The following SH3KBP1 variants were observed in gnomAD, a reference collection of about 807,000 sequenced individuals.
SH3KBP1 encodes SH3 domain containing kinase binding protein 1, also known as SH3 domain-containing kinase-binding protein 1.
Under a neutral mutation model 50.1 loss-of-function variants are expected in SH3KBP1, and 8 were observed. The ratio of observed to expected loss-of-function variants is 0.16; its 90% CI spans 0.09 to 0.29. The LOEUF is 0.29. Ranked by LOEUF, SH3KBP1 falls within the 10% of genes least tolerant of loss-of-function variation. The probability of loss-of-function intolerance (pLI) is 1.00; values close to 1 mark genes in which losing one functional copy is unlikely to be tolerated. For missense variants in SH3KBP1, 377 were observed against 535.2 expected, an observed-to-expected ratio of 0.70 and a Z score of 2.92; for synonymous variants, 227 against 218.6, an observed-to-expected ratio of 1.04 and a Z score of -0.34.
intron 2 of SH3KBP1, among the ~76,000 whole-genome samples, chrX:19,820,316 C>A (rs1352850284): frequency 1.8e-5 from 2 of 111,757 alleles, no homozygotes; most frequent in Middle Eastern, 4.6e-3. Flanking sequence ...GCTAAGTTGC[C>A]AACTATAACT....
At chrX:19,591,821 A>G (rs1391447380) in intron 11 of SH3KBP1, among the ~76,000 whole-genome samples, 1 of 112,308 alleles carries the variant, frequency 8.9e-6, no homozygotes, top group Non-Finnish European at 1.9e-5. Context: ...ATCAGGAAAC[A>G]GCAGCAATGT....
intron 3 of SH3KBP1, among the ~76,000 whole-genome samples, chrX:19,723,782 A>G (rs781097287): frequency 1.8e-5 from 2 of 111,998 alleles, no homozygotes; most frequent in East Asian, 5.6e-4. Flanking sequence ...TTAAAAGAGC[A>G]GAGAGGTGTA....
intron 12 of SH3KBP1, among the ~76,000 whole-genome samples, chrX:19,585,112 T>C (rs1201692825): frequency 8.9e-6 from 1 of 112,388 alleles, no homozygotes; most frequent in Non-Finnish European, 1.9e-5. Flanking sequence ...GTGCATTAAG[T>C]ACCAAGGAAC....
chrX:19,674,705 T>C (rs777252147), intron 6 of SH3KBP1, among the ~76,000 whole-genome samples: 2 of 112,286 alleles, frequency 1.8e-5, no homozygotes, highest in Non-Finnish European at 3.8e-5. Flanking sequence ...CATTTAAGAC[T>C]TGGTGATATG....
intron 8 of SH3KBP1, among the ~76,000 whole-genome samples, chrX:19,626,322 G>C (rs1481613420): frequency 1.8e-5 from 2 of 111,234 alleles, no homozygotes; most frequent in Non-Finnish European, 3.8e-5. Context: ...TGAATTTTTG[G>C]CTTACCATTG....
intron 16 of SH3KBP1, among the ~76,000 whole-genome samples, chrX:19,541,189 T>C (rs1425555113): frequency 8.9e-6 from 1 of 112,370 alleles, no homozygotes; most frequent in Non-Finnish European, 1.9e-5. Flanking sequence ...AGTGCTGAGA[T>C]TACAGGCATG....
At chrX:19,827,121 G>T (rs1376358673) in intron 2 of SH3KBP1, among the ~76,000 whole-genome samples, 1 of 111,787 alleles carries the variant, frequency 8.9e-6, no homozygotes, top group African/African-American at 3.3e-5. Flanking sequence ...GCCAAAGAGA[G>T]ATCTAAAACA....
At chrX:19,830,334 C>T (rs1400194715) in intron 2 of SH3KBP1, among the ~76,000 whole-genome samples, 2 of 103,702 alleles carry the variant, frequency 1.9e-5, no homozygotes, top group East Asian at 2.9e-4. Context: ...TACGCACTTA[C>T]GTAGAAACAA....
intron 2 of SH3KBP1, among the ~76,000 whole-genome samples, chrX:19,763,523 T>C (rs1330298659): frequency 2.7e-5 from 3 of 112,388 alleles, no homozygotes; most frequent in African/African-American, 9.7e-5. Flanking sequence ...AATAGCTCTC[T>C]GTATATAAAA....
chrX:19,585,494 T>A (rs1053193256), intron 12 of SH3KBP1, among the ~76,000 whole-genome samples: 3 of 111,353 alleles, frequency 2.7e-5, no homozygotes, highest in Admixed American at 9.5e-5. Context: ...TAAACACGGG[T>A]GGCAGGCATT....
intron 6 of SH3KBP1, among the ~76,000 whole-genome samples, chrX:19,658,821 C>T (rs1427412804): frequency 1.8e-5 from 2 of 111,161 alleles, no homozygotes; most frequent in Admixed American, 9.6e-5. Flanking sequence ...CCTCCTAAAG[C>T]GCTGGGATTA....
intron 7 of SH3KBP1, among the ~76,000 whole-genome samples, chrX:19,643,410 C>A (rs1416459222): frequency 9.9e-6 from 1 of 101,286 alleles, no homozygotes; most frequent in East Asian, 3.1e-4. Context: ...GCTGCTTCAA[C>A]CTCCTGGGGT....
chrX:19,861,204 G>A (rs1310797765), intron 1 of SH3KBP1, among the ~76,000 whole-genome samples: 2 of 109,142 alleles, frequency 1.8e-5, no homozygotes, highest in Non-Finnish European at 3.8e-5. Context: ...GTGAAACCCC[G>A]TCTCTACTAA....
At chrX:19,829,013 A>G (rs757033812) in intron 2 of SH3KBP1, among the ~76,000 whole-genome samples, 12 of 111,437 alleles carry the variant, frequency 1.1e-4, no homozygotes, top group Non-Finnish European at 1.9e-4. Flanking sequence ...GGAAGCCACA[A>G]CTTTACACAG....
At chrX:19,638,421 A>AG (rs1209670999) in intron 7 of SH3KBP1, among the ~76,000 whole-genome samples, 1 of 109,242 alleles carries the variant, frequency 9.2e-6, no homozygotes, top group African/African-American at 3.3e-5. Context: ...AAAAAAAAAA[A>AG]AAAAAAAGGC....
In SH3KBP1 at chrX:19,607,996, C is replaced by T; in HGVS notation, c.947G>A (p.Gly316Asp). Residue 316 changes from glycine (G) to aspartate (D), a missense_variant, in exon 9 of 18, where the codon GGC becomes GAC. Gly to Asp is a moderately conservative substitution (Grantham distance 94). Around this residue, in one of 3 missense-constraint regions of SH3KBP1, gnomAD observed 257 missense variants for 374.2 expected, o/e 0.69. Coordinates refer to ENST00000397821, the MANE Select transcript of SH3KBP1 (RefSeq NM_031892.3). ...CTTCACGAAGTTATCGGGGAACACG[C>T]CTCGTCTGCCGTTCAGCTCTCCTTC... Reference protein sequence around the residue: ...WWEGELNGRRGVFPDNFVKLL... With the variant: ...WWEGELNGRRDVFPDNFVKLL... 8.3e-7 allele frequency: 1 copy of T among 1,211,520 alleles called. No homozygotes were observed.
chrX:19,600,657 A>G (rs1029332376), intron 9 of SH3KBP1, among the ~76,000 whole-genome samples: 4 of 111,773 alleles, frequency 3.6e-5, no homozygotes, highest in African/African-American at 1.3e-4. Context: ...GGAGTTTAAC[A>G]GTAATAAGAT....
In SH3KBP1 at chrX:19,534,678, C is replaced by T; in HGVS notation, c.*1739G>A. On this transcript the variant is annotated 3_prime_UTR_variant, in exon 18 of 18. Transcript: ENST00000397821. ...GAGGCTGCTGAAAAGGCAATATATC[C>T]AGGGATGGGAATGGAGGGTATGAGG... The T allele has an allele frequency of 3.4e-6, 1 of 290,749 alleles. No individual in the cohort carries two copies. The highest frequency in any genetic ancestry group is 6.0e-6 in the Non-Finnish European group (1 of 166,560). The allele number at this position is 290,749 out of a possible 1,213,427, so 24.0% of individuals were successfully genotyped here.
intron 2 of SH3KBP1, among the ~76,000 whole-genome samples, chrX:19,835,038 CAAA>C (rs1252835765): frequency 4.7e-5 from 2 of 42,385 alleles, no homozygotes. Context: ...AAGACTGTCT[CAAA>C]AAAAAAAAAA....
Sources: allele counts gnomAD v4.1 joint callset (sites outside exome capture counted in the v4.1 genomes callset), GRCh38; gene constraint gnomAD v4.1.1; regional missense constraint gnomAD v4.1.1; transcripts MANE v1.5; gene names NCBI Gene and HGNC (gene_info 2026-07-23, HGNC 2026-07-21).